The following SHROOM3 variants were observed in gnomAD, a reference collection of about 807,000 sequenced individuals.
The protein encoded by SHROOM3 is shroom family member 3, also known as protein Shroom3.
In SHROOM3, 47 loss-of-function variants were observed where a neutral mutation model predicts 138.6. That is an observed-to-expected ratio of 0.34 (90% confidence interval 0.27 to 0.43). The LOEUF is 0.43. Among genes scored for constraint, SHROOM3 ranks in the 20% least tolerant of loss-of-function variants. SHROOM3 has a pLI of 1.00. For synonymous variants in SHROOM3, 1,062 were observed against 1,063.3 expected (o/e 1.00, Z 0.02); for missense variants, 2,491 against 2,596.5 (o/e 0.96, Z 0.88).
At chr4:76,545,625 G>A (rs2110023217) in intron 1 of SHROOM3, among the ~76,000 whole-genome samples, 1 of 152,278 alleles carries the variant, frequency 6.6e-6, no homozygotes, top group Middle Eastern at 3.4e-3. Context: ...ATGTATTCTT[G>A]TGGTGGAAAC....
At chr4:76,700,248 G>T (rs1719866226) in intron 2 of SHROOM3, among the ~76,000 whole-genome samples, 1 of 152,182 alleles carries the variant, frequency 6.6e-6, no homozygotes, top group East Asian at 1.9e-4. Flanking sequence ...GCACTTCTTT[G>T]AGTCTGTTTC....
intron 1 of SHROOM3, among the ~76,000 whole-genome samples, chr4:76,467,514 G>A (rs928169347): frequency 3.3e-5 from 5 of 152,168 alleles, no homozygotes; most frequent in African/African-American, 1.2e-4. Flanking sequence ...GCAAATACTG[G>A]TGAGAGGGAC....
At chr4:76,647,326 G>T (rs1278148251) in intron 2 of SHROOM3, among the ~76,000 whole-genome samples, 1 of 152,088 alleles carries the variant, frequency 6.6e-6, no homozygotes, top group Non-Finnish European at 1.5e-5. Context: ...TACAGTTAAA[G>T]GAATACGCTC....
Position 76,739,988 on chromosome 4 carries a change from C to T in SHROOM3, c.1815C>T (p.Cys605=), listed in dbSNP as rs780397183. 4 of 1,613,942 alleles carry T rather than the reference C, an allele frequency of 2.5e-6. No individual in the cohort carries two copies. In the African/African-American group the frequency reaches 4.0e-5, roughly 16 times the overall value. The change falls in exon 5 of 11, where the codon TGC becomes TGT. Residue 605 remains cysteine (C), a synonymous_variant. Coordinates refer to ENST00000296043, the MANE Select transcript of SHROOM3 (RefSeq NM_020859.4). ...CTTCTCATCCCCACAGCCTCAAATG[C>T]CCTCAGGCTCAGGCCTGGCAAGCGG... ...KPSSHPHSLK[C]PQAQAWQAGE...
intron 10 of SHROOM3, among the ~76,000 whole-genome samples, chr4:76,777,879 A>G (rs1242506299): frequency 6.6e-6 from 1 of 152,228 alleles, no homozygotes; most frequent in Non-Finnish European, 1.5e-5. Context: ...TTAGAATATG[A>G]CATTGCCGTC....
intron 1 of SHROOM3, among the ~76,000 whole-genome samples, chr4:76,507,911 G>A (rs1732247341): frequency 6.6e-6 from 1 of 151,816 alleles, no homozygotes; most frequent in Non-Finnish European, 1.5e-5. Context: ...AAATTGAATT[G>A]TCTTTTTATT....
chr4:76,741,676 G>A lies in SHROOM3; in HGVS notation c.3503G>A (p.Arg1168Gln), dbSNP rs754475907. The stretch of plus-strand genomic sequence containing the variant: ...GTTGCAGAAACCCAGCAGGCTCCCC[G>A]AGATCGCAGCAGCTCCTTCGCCGGT... ...ATVAETQQAP[R>Q]DRSSSFAGGR... The change falls in exon 5 of 11, where the codon CGA becomes CAA. Residue 1168 changes from arginine (R) to glutamine (Q), a missense_variant. Physicochemically the swap from Arg to Gln is conservative, Grantham distance 43. This residue lies in a region of SHROOM3 where 1,733 missense variants were observed against 1,661.6 expected (regional missense o/e 1.04). Coordinates refer to ENST00000296043, the MANE Select transcript of SHROOM3 (RefSeq NM_020859.4). This position sits in a 1 kb window ranked among gnomAD's most constrained non-coding sequence, Gnocchi z 6.2. The A allele has an allele frequency of 6.4e-7, 1 of 1,551,604 alleles. No individual in the cohort carries two copies. The highest frequency in any genetic ancestry group is 1.9e-5 in the Admixed American group (1 of 52,318).
chr4:76,497,440 A>C (rs918568749), intron 1 of SHROOM3, among the ~76,000 whole-genome samples: 1 of 152,264 alleles, frequency 6.6e-6, no homozygotes, highest in African/African-American at 2.4e-5. Context: ...TCAATAAAAT[A>C]GAAAAATAAA....
chr4:76,640,708 G>T (rs940128346), intron 2 of SHROOM3, among the ~76,000 whole-genome samples: 1 of 152,216 alleles, frequency 6.6e-6, no homozygotes, highest in Non-Finnish European at 1.5e-5. Flanking sequence ...TACAGATGGA[G>T]AATGGGAGAT....
intron 2 of SHROOM3, among the ~76,000 whole-genome samples, chr4:76,610,862 C>T (rs780649132): frequency 1.3e-5 from 2 of 152,094 alleles, no homozygotes; most frequent in Non-Finnish European, 2.9e-5. Context: ...ATGTTTTCTC[C>T]AGACCCAGCT....
chr4:76,605,294 C>T lies in SHROOM3; in HGVS notation c.323+49531C>T, dbSNP rs143256927. Among the ~76,000 whole-genome samples, 517 of 152,104 alleles carry T rather than the reference C, an allele frequency of 3.4e-3. 1 individual carries two copies. The highest frequency in any genetic ancestry group is 0.01 in the Middle Eastern group (3 of 294). On this transcript the variant is annotated intron_variant, in intron 2 of 10. Coordinates refer to ENST00000296043, the MANE Select transcript of SHROOM3 (RefSeq NM_020859.4). Reference sequence around the variant, plus strand: ...GAGAAATCAACAGCTAGGATTTGCCCGGGAAATACCTAAATGACATACAGC... The same window carrying T: ...GAGAAATCAACAGCTAGGATTTGCCTGGGAAATACCTAAATGACATACAGC...
intron 1 of SHROOM3, among the ~76,000 whole-genome samples, chr4:76,487,819 G>A (rs1731763400): frequency 6.6e-6 from 1 of 152,174 alleles, no homozygotes; most frequent in South Asian, 2.1e-4. Context: ...CTCAAAGGAT[G>A]GAAGCAGCCA....
At chr4:76,688,358 A>G in intron 2 of SHROOM3, 1 of 984,422 alleles carries the variant, frequency 1.0e-6, no homozygotes, top group Non-Finnish European at 1.2e-6. Context: ...ATATAAGAGC[A>G]CAGACAAGTA....
chr4:76,543,750 A>G (rs1049306859), intron 1 of SHROOM3, among the ~76,000 whole-genome samples: 1 of 152,220 alleles, frequency 6.6e-6, no homozygotes, highest in East Asian at 1.9e-4. Context: ...TATGCTGACA[A>G]GAAATGTTTC....
Position 76,589,733 on chromosome 4 carries a change from G to C in SHROOM3, c.323+33970G>C, listed in dbSNP as rs113176582. The stretch of plus-strand genomic sequence containing the variant: ...CAGCCCTCCAGGGGCGGGGGTCCCA[G>C]CAATCAGCCTCTGAAGGGAATCTCC... On this transcript the variant is annotated intron_variant, in intron 2 of 10. Transcript: ENST00000296043. Among the ~76,000 whole-genome samples, 1,099 of 152,314 alleles carry C rather than the reference G, an allele frequency of 7.2e-3. 10 individuals are homozygous for C. Among genetic ancestry groups the C allele is most frequent in the African/African-American group, 0.025 (1,028 of 41,578 alleles).
At chr4:76,593,741 C>T (rs1161773323) in intron 2 of SHROOM3, among the ~76,000 whole-genome samples, 1 of 152,168 alleles carries the variant, frequency 6.6e-6, no homozygotes, top group Non-Finnish European at 1.5e-5. Context: ...GGAAAAGTCA[C>T]CTTAGTTTAG....
At chr4:76,527,801 G>C (rs1395718768) in intron 1 of SHROOM3, among the ~76,000 whole-genome samples, 1 of 152,180 alleles carries the variant, frequency 6.6e-6, no homozygotes, top group Non-Finnish European at 1.5e-5. Context: ...AACTCGTGGA[G>C]ACTTGTTCTT....
intron 1 of SHROOM3, among the ~76,000 whole-genome samples, chr4:76,471,931 A>T (rs1413256802): frequency 6.6e-6 from 1 of 152,142 alleles, no homozygotes; most frequent in Non-Finnish European, 1.5e-5. Flanking sequence ...CTGGTTTTAC[A>T]TCCTGTCTCT....
intron 1 of SHROOM3, among the ~76,000 whole-genome samples, chr4:76,499,057 C>T (rs1732034463): frequency 6.6e-6 from 1 of 152,202 alleles, no homozygotes; most frequent in Non-Finnish European, 1.5e-5. Flanking sequence ...TATTCTAGAG[C>T]TGAAAGCCAT....
Sources: gnomAD v4.1 joint callset for allele counts (sites outside exome capture counted in the v4.1 genomes callset) on GRCh38, gnomAD v4.1.1 for gene constraint, gnomAD v4.1.1 regional missense constraint, Gnocchi (gnomAD v3.1) non-coding constraint, MANE v1.5 for transcripts, NCBI Gene and HGNC (gene_info 2026-07-23, HGNC 2026-07-21) for gene names.